ZNRF3: variants seen among roughly 807,000 people sequenced by gnomAD.
The protein encoded by ZNRF3 is E3 ubiquitin-protein ligase ZNRF3.
Under a neutral mutation model 72.5 loss-of-function variants are expected in ZNRF3, and 23 were observed. That is an observed-to-expected ratio of 0.32 (90% CI 0.23 to 0.45). The LOEUF is 0.45. ZNRF3 is among the 20% of genes least tolerant of loss of function. The pLI is 1.00. For synonymous variants in ZNRF3, 610 were observed against 545.3 expected (o/e 1.12, Z -1.65); for missense variants, 1,169 against 1,272.1 (o/e 0.92, Z 1.23).
rs1338095007 is a variant in ZNRF3 at position 29,055,224 on chromosome 22, A to G, written c.*1602A>G. The G allele has an allele frequency of 2.0e-5, 3 of 152,342 alleles. No individual in the cohort carries two copies. The South Asian group carries it at 6.2e-4, about 32-fold the overall frequency. The allele number at this position is 152,342 out of a possible 1,614,324, so 9.4% of individuals were successfully genotyped here. On this transcript the variant is annotated 3_prime_UTR_variant, in exon 9 of 9. Transcript: ENST00000544604. ...AAAATTTTTTTTAGAGGAAACTAAT[A>G]TTAGTCTTTGTGTTCACTAACTCTT...
intron 1 of ZNRF3, among the ~76,000 whole-genome samples, chr22:28,889,839 TGAAAC>T (rs2033853959): frequency 6.6e-6 from 1 of 152,144 alleles, no homozygotes; most frequent in South Asian, 2.1e-4. Flanking sequence ...CATTGAAAAA[TGAAAC>T]GGAGCACCTG....
At chr22:29,016,706 G>T (rs950816745) in intron 2 of ZNRF3, among the ~76,000 whole-genome samples, 1 of 152,210 alleles carries the variant, frequency 6.6e-6, no homozygotes, top group Non-Finnish European at 1.5e-5. Flanking sequence ...TAAAGAAGTT[G>T]CTCCAGCTCA....
intron 2 of ZNRF3, among the ~76,000 whole-genome samples, chr22:29,038,582 C>T (rs1407932205): frequency 2.6e-5 from 4 of 152,158 alleles, no homozygotes; most frequent in Non-Finnish European, 5.9e-5. Context: ...CCTCCTGCCT[C>T]AACCTCCGAA....
At chr22:29,031,863 C>T (rs1601690034) in intron 2 of ZNRF3, among the ~76,000 whole-genome samples, 2 of 152,214 alleles carry the variant, frequency 1.3e-5, no homozygotes, top group Admixed American at 1.3e-4. Flanking sequence ...TGGTTCCTGC[C>T]GCCCTGCATT....
At chr22:28,918,537 CGTGTGTGTGTGTGTGTGTGT>C (rs56876101) in intron 1 of ZNRF3, among the ~76,000 whole-genome samples, 34 of 148,862 alleles carry the variant, frequency 2.3e-4, no homozygotes, top group East Asian at 5.9e-4. Context: ...TGCATGTGTG[CGTGTGTGTGTGTGTGTGTGT>C]GTGTGTGTGT....
chr22:28,996,587 A>C (rs192660332), intron 2 of ZNRF3, among the ~76,000 whole-genome samples: 60 of 152,318 alleles, frequency 3.9e-4, no homozygotes, highest in African/African-American at 1.4e-3. Flanking sequence ...CTATAAAATC[A>C]GTGGAAATGA....
rs749545064 is a variant in ZNRF3 at position 29,050,124 on chromosome 22, C to T, written c.1943C>T (p.Pro648Leu). The T allele has an allele frequency of 3.1e-6, 5 of 1,606,630 alleles. No individual in the cohort carries two copies. The highest frequency in any genetic ancestry group is 3.4e-6 in the Non-Finnish European group (4 of 1,179,758). Residue 648 changes from proline (P) to leucine (L), a missense_variant, in exon 8 of 9, where the codon CCG (proline) becomes CTG (leucine). Around this residue, in one of 2 missense-constraint regions of ZNRF3, gnomAD observed 783 missense variants for 731.4 expected, o/e 1.07. Coordinates refer to ENST00000544604, the MANE Select transcript of ZNRF3 (RefSeq NM_001206998.2). ...SHGAGRGEPW[P>L]GPASPSGDQV... ...GGTGCTGGGCGGGGCGAGCCTTGGC[C>T]GGGCCCTGCCTCTCCCTCGGGGGAT...
intron 1 of ZNRF3, among the ~76,000 whole-genome samples, chr22:28,897,159 A>T (rs2034012647): frequency 6.6e-6 from 1 of 152,148 alleles, no homozygotes; most frequent in Non-Finnish European, 1.5e-5. Context: ...TCTCTTGATC[A>T]AAATCTTTCG....
chr22:28,903,945 T>C (rs1243663319), intron 1 of ZNRF3, among the ~76,000 whole-genome samples: 1 of 152,160 alleles, frequency 6.6e-6, no homozygotes, highest in African/African-American at 2.4e-5. Flanking sequence ...GTGAGTGAGC[T>C]AGCAAGCCAG....
intron 1 of ZNRF3, among the ~76,000 whole-genome samples, chr22:28,890,765 T>TC (rs1316532082): frequency 5.3e-5 from 8 of 150,660 alleles, no homozygotes; most frequent in African/African-American, 2.0e-4. Flanking sequence ...TCTCTCTCTC[T>TC]CTTTTTTTTT....
At chr22:29,029,333 T>G (rs1190653420) in intron 2 of ZNRF3, among the ~76,000 whole-genome samples, 22 of 152,224 alleles carry the variant, frequency 1.4e-4, no homozygotes, top group Admixed American at 1.4e-3. Flanking sequence ...CCAAATTACC[T>G]TCCTCTTCAT....
intron 1 of ZNRF3, among the ~76,000 whole-genome samples, chr22:28,950,338 A>C (rs2035137583): frequency 1.3e-5 from 2 of 152,170 alleles, no homozygotes; most frequent in South Asian, 4.2e-4. Flanking sequence ...GGAAATGGGG[A>C]TAAAATTGTT....
chr22:28,939,143 G>A (rs1264779465), intron 1 of ZNRF3, among the ~76,000 whole-genome samples: 1 of 152,114 alleles, frequency 6.6e-6, no homozygotes, highest in Non-Finnish European at 1.5e-5. Context: ...AAATTAGCTG[G>A]GATAGTGGTA....
intron 1 of ZNRF3, among the ~76,000 whole-genome samples, chr22:28,960,165 T>A (rs1377212138): frequency 2.0e-5 from 3 of 152,190 alleles, no homozygotes; most frequent in Non-Finnish European, 2.9e-5. Flanking sequence ...CTGGGAAGCA[T>A]GTTAAAAAAC....
chr22:29,015,628 C>T (rs1336436244), intron 2 of ZNRF3, among the ~76,000 whole-genome samples: 1 of 150,244 alleles, frequency 6.7e-6, no homozygotes, highest in Non-Finnish European at 1.5e-5. Flanking sequence ...TGAGACTGCA[C>T]CACTGCACTC....
intron 1 of ZNRF3, among the ~76,000 whole-genome samples, chr22:28,984,025 A>G (rs2035810823): frequency 6.6e-6 from 1 of 152,074 alleles, no homozygotes. Flanking sequence ...GGTAGAAACC[A>G]CATTGTCCTT....
intron 1 of ZNRF3, among the ~76,000 whole-genome samples, chr22:28,922,732 G>C (rs1039125103): frequency 4.6e-5 from 7 of 152,258 alleles, no homozygotes; most frequent in African/African-American, 1.7e-4. Flanking sequence ...TAGCAGTCCT[G>C]GCCCATGTCC....
At chr22:29,019,849 C>A (rs1317637127) in intron 2 of ZNRF3, among the ~76,000 whole-genome samples, 1 of 152,126 alleles carries the variant, frequency 6.6e-6, no homozygotes, top group Non-Finnish European at 1.5e-5. Context: ...TGTGATAGAA[C>A]CAGAAATAGG....
chr22:28,976,732 T>G lies in ZNRF3; in HGVS notation c.301-10344T>G, dbSNP rs5762928. Among the ~76,000 whole-genome samples the G allele has an allele frequency of 3.9e-3, 598 of 152,304 alleles. 26 individuals carry two copies. The East Asian group carries it at 0.091, about 23-fold the overall frequency. On this transcript the variant is annotated intron_variant, in intron 1 of 8. Transcript: ENST00000544604. ...TTGAAGTAAAACTGTGTGAGTGAAT[T>G]TCTGTGTAGAGAACAATACTTGTCA...
Sources: allele counts gnomAD v4.1 joint callset (sites outside exome capture counted in the v4.1 genomes callset), GRCh38; gene constraint gnomAD v4.1.1; regional missense constraint gnomAD v4.1.1; transcripts MANE v1.5; gene names NCBI Gene and HGNC (gene_info 2026-07-23, HGNC 2026-07-21).